The following SLIT3 variants were observed in gnomAD, a reference collection of about 807,000 sequenced individuals.
SLIT3 encodes the protein slit homolog 3 protein.
SLIT3 carries 68 observed loss-of-function variants against 184.0 expected under a neutral mutation model. The ratio of observed to expected loss-of-function variants is 0.37; its 90% CI spans 0.30 to 0.45. The LOEUF (loss-of-function observed/expected upper bound fraction) is 0.45, where lower values mean the gene tolerates loss of function less well. Among genes scored for constraint, SLIT3 ranks in the 20% least tolerant of loss-of-function variants. The pLI, the probability that SLIT3 is intolerant of heterozygous loss-of-function variation, is 1.00. For missense variants in SLIT3, 1,707 were observed against 2,026.0 expected (o/e 0.84, Z 3.02); for synonymous variants, 831 against 828.6 (o/e 1.00, Z -0.05).
intron 4 of SLIT3, among the ~76,000 whole-genome samples, chr5:169,064,034 C>T (rs1051956580): frequency 1.3e-5 from 2 of 152,146 alleles, no homozygotes; most frequent in Non-Finnish European, 2.9e-5. Context: ...ATGTAATTAG[C>T]AGGGTAAATT....
chr5:169,223,591 C>G (rs755484317), intron 3 of SLIT3, among the ~76,000 whole-genome samples: 1 of 152,136 alleles, frequency 6.6e-6, no homozygotes, highest in Non-Finnish European at 1.5e-5. Context: ...GTCAGAAAAC[C>G]AAGTGCAAAG....
intron 27 of SLIT3, among the ~76,000 whole-genome samples, chr5:168,699,496 G>C (rs1012095897): frequency 6.6e-6 from 1 of 152,236 alleles, no homozygotes; most frequent in African/African-American, 2.4e-5. Flanking sequence ...CAGTGAAACT[G>C]GGCATCTAAA....
intron 1 of SLIT3, among the ~76,000 whole-genome samples, chr5:169,291,036 G>A (rs4868478): frequency 0.58 from 87,743 of 151,970 alleles, 25,994 homozygotes; most frequent in South Asian, 0.66. Context: ...GCCAAAGTGC[G>A]GAATGAATCA....
intron 4 of SLIT3, among the ~76,000 whole-genome samples, chr5:169,135,714 A>C (rs1316726897): frequency 6.6e-6 from 1 of 152,184 alleles, no homozygotes; most frequent in Non-Finnish European, 1.5e-5. Context: ...GTCGCAAAAT[A>C]CTGGAAGCTG....
intron 4 of SLIT3, among the ~76,000 whole-genome samples, chr5:168,945,084 C>G (rs1014898536): frequency 3.3e-5 from 5 of 152,196 alleles, no homozygotes; most frequent in African/African-American, 1.2e-4. Flanking sequence ...AACACTGACA[C>G]TCAACTTCTG....
At chr5:169,146,052 A>G (rs1422464614) in intron 4 of SLIT3, among the ~76,000 whole-genome samples, 1 of 152,180 alleles carries the variant, frequency 6.6e-6, no homozygotes, top group Non-Finnish European at 1.5e-5. Flanking sequence ...CTCTGTCTCA[A>G]AAAAAATAAT....
intron 4 of SLIT3, among the ~76,000 whole-genome samples, chr5:168,899,388 C>T (rs1760790088): frequency 6.6e-6 from 1 of 152,142 alleles, no homozygotes; most frequent in South Asian, 2.1e-4. Context: ...GTGGTGTATG[C>T]CTATAGTCCC....
chr5:169,106,658 A>C (rs61199466), intron 4 of SLIT3, among the ~76,000 whole-genome samples: 10 of 152,120 alleles, frequency 6.6e-5, no homozygotes, highest in Non-Finnish European at 1.2e-4. Flanking sequence ...GCTACTGTAC[A>C]TACTGCATCC....
At chr5:169,293,727 C>T (rs1006585573) in intron 1 of SLIT3, among the ~76,000 whole-genome samples, 8 of 152,162 alleles carry the variant, frequency 5.3e-5, no homozygotes, top group Admixed American at 1.3e-4. Context: ...TCTCTGTCCA[C>T]GCAGTACAGA....
In SLIT3 at chr5:169,165,125, C is replaced by T. The variant is rs114994555; in HGVS notation, c.413+28354G>A. 3.9e-3 allele frequency among the ~76,000 whole-genome samples: 592 copies of T among 152,352 alleles called. 6 individuals are homozygous for T. The highest frequency in any genetic ancestry group is 0.013 in the African/African-American group (557 of 41,588). ...TGCTCAGGAAATGCTAGATCCCTTG[C>T]CTTTGCTAGGGGAGGGGGTAACTAA... On this transcript the variant is annotated intron_variant, in intron 4 of 35. Coordinates refer to ENST00000519560, the MANE Select transcript of SLIT3 (RefSeq NM_003062.4).
intron 4 of SLIT3, among the ~76,000 whole-genome samples, chr5:169,164,339 G>A (rs957423417): frequency 6.6e-5 from 10 of 152,140 alleles, no homozygotes; most frequent in Non-Finnish European, 1.0e-4. Flanking sequence ...CTAGCACAAC[G>A]GGTTGGGAGT....
intron 4 of SLIT3, among the ~76,000 whole-genome samples, chr5:169,077,694 G>A (rs762499153): frequency 3.9e-5 from 6 of 152,066 alleles, no homozygotes; most frequent in Non-Finnish European, 5.9e-5. Flanking sequence ...TTGACTGTGT[G>A]GGGGGTCACC....
Position 168,684,107 on chromosome 5 carries a change from C to T in SLIT3, c.3556-11G>A, listed in dbSNP as rs759230417. Reference sequence around the variant, plus strand: ...CTTGTCAGTGGCCACCTGGAGAAAGCAGCCGGGGCGTGTTAGTAAGGGCTT... The same window carrying T: ...CTTGTCAGTGGCCACCTGGAGAAAGTAGCCGGGGCGTGTTAGTAAGGGCTT... On this transcript the variant is annotated splice_polypyrimidine_tract_variant and intron_variant, in intron 31 of 35. Transcript: ENST00000519560. The T allele has an allele frequency of 5.1e-6, 8 of 1,577,490 alleles. No individual in the cohort carries two copies. The highest frequency in any genetic ancestry group is 6.9e-6 in the Non-Finnish European group (8 of 1,159,876).
chr5:169,197,417 C>G (rs1481528333), intron 3 of SLIT3, among the ~76,000 whole-genome samples: 1 of 152,108 alleles, frequency 6.6e-6, no homozygotes, highest in East Asian at 1.9e-4. Context: ...GATGAAGGCT[C>G]CAAGCTGCAT....
rs917967927 is a variant in SLIT3, at chr5:169,173,192, C to T, written c.413+20287G>A. Among the ~76,000 whole-genome samples, 5 of 152,072 alleles carry T rather than the reference C, an allele frequency of 3.3e-5. No homozygotes were observed. In the South Asian group the frequency reaches 1.0e-3, roughly 32 times the overall value. The stretch of plus-strand genomic sequence containing the variant: ...AGGATAATCGCTTGAACCCGGGAGG[C>T]GAGGGTTGCAGTGAGCCAAGATCGC... On this transcript the variant is annotated intron_variant, in intron 4 of 35. Transcript: ENST00000519560.
chr5:168,963,615 C>T (rs560915013), intron 4 of SLIT3, among the ~76,000 whole-genome samples: 1 of 152,220 alleles, frequency 6.6e-6, no homozygotes, highest in Non-Finnish European at 1.5e-5. Flanking sequence ...CTGGATTAGA[C>T]TGTCAACTCT....
chr5:168,850,847 G>C (rs1455632973), intron 5 of SLIT3, among the ~76,000 whole-genome samples: 5 of 152,160 alleles, frequency 3.3e-5, no homozygotes, highest in African/African-American at 9.7e-5. Context: ...AATGCAAACA[G>C]CGATGATGGA....
chr5:168,719,824 G>C (rs1318804081), intron 23 of SLIT3: 2 of 152,176 alleles, frequency 1.3e-5, no homozygotes, highest in Non-Finnish European at 2.9e-5. Flanking sequence ...TCCCCACTGA[G>C]GTAGATGGTT....
intron 4 of SLIT3, among the ~76,000 whole-genome samples, chr5:169,129,142 T>C (rs753711510): frequency 1.3e-5 from 2 of 152,214 alleles, no homozygotes; most frequent in Non-Finnish European, 2.9e-5. Context: ...AGGCCATGCG[T>C]CACTCCATTG....
Sources: gnomAD v4.1 joint callset for allele counts (sites outside exome capture counted in the v4.1 genomes callset) on GRCh38, gnomAD v4.1.1 for gene constraint, MANE v1.5 for transcripts, NCBI Gene and HGNC (gene_info 2026-07-23, HGNC 2026-07-21) for gene names.